CADPS: variants seen among roughly 807,000 people sequenced by gnomAD.
CADPS encodes the protein calcium dependent secretion activator.
CADPS carries 57 observed loss-of-function variants against 167.3 expected under a neutral mutation model. That is an observed-to-expected ratio of 0.34 (90% CI 0.28 to 0.42). CADPS has a LOEUF of 0.42. Among genes scored for constraint, CADPS ranks in the 20% least tolerant of loss-of-function variants. The probability of loss-of-function intolerance (pLI) is 1.00; values close to 1 mark genes in which losing one functional copy is unlikely to be tolerated. For missense variants in CADPS, 1,414 were observed against 1,738.1 expected (o/e 0.81, Z 3.32); for synonymous variants, 676 against 635.3 (o/e 1.06, Z -0.96).
chr3:62,562,829 T>A (rs2079417703), intron 9 of CADPS, among the ~76,000 whole-genome samples: 1 of 152,222 alleles, frequency 6.6e-6, no homozygotes, highest in African/African-American at 2.4e-5. Context: ...ACATAGTATC[T>A]CCTTGGTTGC....
intron 3 of CADPS, among the ~76,000 whole-genome samples, chr3:62,747,872 G>A (rs3913865): frequency 0.45 from 67,558 of 151,776 alleles, 15,749 homozygotes; most frequent in East Asian, 0.82. Flanking sequence ...AGTTTAGAAG[G>A]GAAGAGTGTG....
chr3:62,615,705 C>T (rs2062162791), intron 6 of CADPS, among the ~76,000 whole-genome samples: 1 of 152,126 alleles, frequency 6.6e-6, no homozygotes, highest in African/African-American at 2.4e-5. Context: ...AGGTCAACCA[C>T]ACCCCCAATA....
intron 26 of CADPS, among the ~76,000 whole-genome samples, chr3:62,448,777 C>A (rs1576213260): frequency 6.6e-6 from 1 of 152,058 alleles, no homozygotes; most frequent in Admixed American, 6.5e-5. Flanking sequence ...CCACACCCAG[C>A]TAATTTTTGT....
chr3:62,759,131 A>C (rs1398486775), intron 2 of CADPS, among the ~76,000 whole-genome samples: 1 of 152,160 alleles, frequency 6.6e-6, no homozygotes, highest in Non-Finnish European at 1.5e-5. Flanking sequence ...GTATTAGAAC[A>C]CCTGGGTTCA....
At chr3:62,731,615 G>A (rs2152127321) in intron 3 of CADPS, among the ~76,000 whole-genome samples, 1 of 152,012 alleles carries the variant, frequency 6.6e-6, no homozygotes, top group South Asian at 2.1e-4. Context: ...GCCATCACAA[G>A]TACTAGCTCT....
chr3:62,714,454 G>C (rs2084022808), intron 3 of CADPS, among the ~76,000 whole-genome samples: 1 of 152,136 alleles, frequency 6.6e-6, no homozygotes, highest in Admixed American at 6.5e-5. Flanking sequence ...AGGCCAGAAA[G>C]ATCATGGGAA....
chr3:62,409,951 C>G (rs1301069855), intron 28 of CADPS, among the ~76,000 whole-genome samples: 1 of 152,162 alleles, frequency 6.6e-6, no homozygotes, highest in African/African-American at 2.4e-5. Flanking sequence ...AATCCAAACT[C>G]GGTTCTTCCT....
Position 62,874,323 on chromosome 3 carries a change from G to T in CADPS, c.441+266C>A, listed in dbSNP as rs2083241067. On this transcript the variant is annotated intron_variant, in intron 1 of 29. Transcript: ENST00000383710. The surrounding 1 kb of genome is among the most constrained non-coding windows in gnomAD (Gnocchi z 7.1). ...GGACCTGCCTGCCTCGCTCACCAACGCTCCCGGGCTGGGGGGGCTCGAGCA... is the reference window on the plus strand; with the variant it reads ...GGACCTGCCTGCCTCGCTCACCAACTCTCCCGGGCTGGGGGGGCTCGAGCA... Among the ~76,000 whole-genome samples, 1 of 152,166 alleles carries T rather than the reference G, an allele frequency of 6.6e-6. No homozygotes were observed. The highest frequency in any genetic ancestry group is 6.5e-5 in the Admixed American group (1 of 15,286).
intron 7 of CADPS, among the ~76,000 whole-genome samples, chr3:62,588,166 T>C (rs746629129): frequency 6.6e-6 from 1 of 152,202 alleles, no homozygotes; most frequent in Non-Finnish European, 1.5e-5. Context: ...AGCCTTTACC[T>C]GACAGATCCC....
At chr3:62,651,991 G>T (rs1198886730) in intron 4 of CADPS, among the ~76,000 whole-genome samples, 8 of 152,030 alleles carry the variant, frequency 5.3e-5, no homozygotes, top group Non-Finnish European at 1.0e-4. Context: ...CTTCAGGAAA[G>T]GCTGGAATCA....
intron 5 of CADPS, among the ~76,000 whole-genome samples, chr3:62,648,321 G>A (rs1299044880): frequency 1.3e-5 from 2 of 152,064 alleles, no homozygotes; most frequent in South Asian, 2.1e-4. Context: ...ATAGGAGTAC[G>A]GACTTGTCTA....
At chr3:62,632,590 C>A (rs2065492441) in intron 6 of CADPS, among the ~76,000 whole-genome samples, 1 of 152,102 alleles carries the variant, frequency 6.6e-6, no homozygotes, top group South Asian at 2.1e-4. Flanking sequence ...GTACCCAACA[C>A]TGACATTATC....
At chr3:62,850,183 G>T (rs1258059587) in intron 1 of CADPS, among the ~76,000 whole-genome samples, 3 of 136,550 alleles carry the variant, frequency 2.2e-5, no homozygotes. Flanking sequence ...TATTAGTCTT[G>T]CTAGCGGTCT....
At chr3:62,733,358 C>T (rs1486447855) in intron 3 of CADPS, among the ~76,000 whole-genome samples, 2 of 152,040 alleles carry the variant, frequency 1.3e-5, no homozygotes, top group East Asian at 3.9e-4. Context: ...AAGAAACTTG[C>T]CTGAGAGATG....
At chr3:62,432,413 T>A (rs2054171976) in intron 28 of CADPS, among the ~76,000 whole-genome samples, 1 of 152,182 alleles carries the variant, frequency 6.6e-6, no homozygotes, top group Non-Finnish European at 1.5e-5. Context: ...ATCACTATTT[T>A]GCCTGTTTCA....
At chr3:62,786,361 C>T (rs1047330530) in intron 1 of CADPS, among the ~76,000 whole-genome samples, 1 of 151,924 alleles carries the variant, frequency 6.6e-6, no homozygotes, top group Non-Finnish European at 1.5e-5. Flanking sequence ...ATATATTTGA[C>T]ATGCTTATAA....
At chr3:62,535,060 A>G (rs992400894) in intron 12 of CADPS, among the ~76,000 whole-genome samples, 1 of 152,130 alleles carries the variant, frequency 6.6e-6, no homozygotes, top group Non-Finnish European at 1.5e-5. Context: ...ACCTCAAAAA[A>G]ATTCCTTAAG....
intron 1 of CADPS, among the ~76,000 whole-genome samples, chr3:62,790,255 T>G (rs1009546305): frequency 7.2e-5 from 11 of 152,182 alleles, no homozygotes; most frequent in Non-Finnish European, 1.3e-4. Flanking sequence ...AACTTTATAG[T>G]AGTATCTCTG....
rs1005996196 is a variant in CADPS at position 62,480,397 on chromosome 3, G to T, written c.3173+1326C>A. 2.0e-5 allele frequency among the ~76,000 whole-genome samples: 3 copies of T among 152,080 alleles called. No individual in the cohort carries two copies. In the East Asian group the frequency reaches 5.8e-4, roughly 29 times the overall value. ...AGTCATCTTAGCATGAATATGATTT[G>T]TGTTCTTTTTTAGAAGCTTTTTTTC... is the stretch of plus-strand genomic sequence containing the variant. On this transcript the variant is annotated intron_variant, in intron 22 of 29. Transcript: ENST00000383710.
Sources: gnomAD v4.1 joint callset for allele counts (sites outside exome capture counted in the v4.1 genomes callset) on GRCh38, gnomAD v4.1.1 for gene constraint, Gnocchi (gnomAD v3.1) non-coding constraint, MANE v1.5 for transcripts, NCBI Gene and HGNC (gene_info 2026-07-23, HGNC 2026-07-21) for gene names.